LPP: variants seen among roughly 807,000 people sequenced by gnomAD.
LPP encodes the protein LIM domain containing preferred translocation partner in lipoma.
A neutral mutation model predicts 60.4 loss-of-function variants in LPP; 38 were observed. That is an observed-to-expected ratio of 0.63 (90% CI 0.49 to 0.83). LPP has a LOEUF of 0.83. Ranked by LOEUF, LPP falls within the 40% of genes least tolerant of loss-of-function variation. The probability of loss-of-function intolerance (pLI) is 0.00; values close to 1 mark genes in which losing one functional copy is unlikely to be tolerated. For synonymous variants in LPP, 328 were observed against 290.8 expected, an observed-to-expected ratio of 1.13 and a Z score of -1.30; for missense variants, 902 against 783.6, an observed-to-expected ratio of 1.15 and a Z score of -1.80.
At chr3:188,432,608 G>A (rs966699367) in intron 4 of LPP, among the ~76,000 whole-genome samples, 2 of 151,758 alleles carry the variant, frequency 1.3e-5, no homozygotes, top group East Asian at 1.9e-4. Context: ...TTATCCTTGT[G>A]TTGGGGAGGA....
intron 1 of LPP, among the ~76,000 whole-genome samples, chr3:188,199,619 A>G (rs1730489749): frequency 6.6e-6 from 1 of 152,180 alleles, no homozygotes; most frequent in Non-Finnish European, 1.5e-5. Context: ...TATATGAATT[A>G]GCGTTTATAT....
intron 2 of LPP, among the ~76,000 whole-genome samples, chr3:188,267,618 CT>C (rs763422490): frequency 2.5e-4 from 38 of 152,158 alleles, no homozygotes; most frequent in Non-Finnish European, 5.3e-4. Flanking sequence ...ACTGGAGTTG[CT>C]TTAAGGCTCC....
chr3:188,394,728 A>G (rs1436100081), intron 3 of LPP, among the ~76,000 whole-genome samples: 1 of 152,208 alleles, frequency 6.6e-6, no homozygotes, highest in African/African-American at 2.4e-5. Flanking sequence ...CTTAAAAGGG[A>G]TAATGTCCAT....
At chr3:188,706,588 C>T (rs976289430) in intron 7 of LPP, among the ~76,000 whole-genome samples, 2 of 152,168 alleles carry the variant, frequency 1.3e-5, no homozygotes, top group African/African-American at 2.4e-5. Context: ...ACATTTAACG[C>T]TTTAGACATC....
intron 4 of LPP, among the ~76,000 whole-genome samples, chr3:188,462,542 CTTTATATATATATATATATATATATATA>C (rs56867153): frequency 4.7e-5 from 3 of 64,292 alleles, no homozygotes; most frequent in African/African-American, 1.8e-4. Context: ...TTTATATGAG[CTTTATATATATATATATATATATATATA>C]TATATATATA....
chr3:188,362,341 C>T (rs1265933426), intron 3 of LPP, among the ~76,000 whole-genome samples: 1 of 152,158 alleles, frequency 6.6e-6, no homozygotes, highest in African/African-American at 2.4e-5. Flanking sequence ...ATCCATCTGA[C>T]TATGCTTATT....
At chr3:188,694,441 GC>G (rs1247130648) in intron 7 of LPP, among the ~76,000 whole-genome samples, 3 of 152,180 alleles carry the variant, frequency 2.0e-5, no homozygotes, top group African/African-American at 7.2e-5. Flanking sequence ...GGTGGCTCAT[GC>G]CTGTAATCCC....
chr3:188,315,794 T>C (rs900534808), intron 2 of LPP, among the ~76,000 whole-genome samples: 1 of 152,240 alleles, frequency 6.6e-6, no homozygotes, highest in Non-Finnish European at 1.5e-5. Flanking sequence ...GCTGATTCAG[T>C]CCTGTAACTC....
At position 188,835,426 on chromosome 3, in the gene LPP, C is replaced by G. The variant is rs113836660; in HGVS notation, c.1411-30774C>G. Among the ~76,000 whole-genome samples, 760 of 148,594 alleles carry G rather than the reference C, an allele frequency of 5.1e-3. 1 individual carries two copies. The highest frequency in any genetic ancestry group is 9.2e-3 in the Non-Finnish European group (615 of 67,206). ...CGGATCACTTGACTACCCTGGCCAA[C>G]ATGGTGAAACCTCATCCTACTAAAA... On this transcript the variant is annotated intron_variant, in intron 9 of 11. Transcript: ENST00000617246.
chr3:188,287,594 G>A (rs1200482733), intron 2 of LPP, among the ~76,000 whole-genome samples: 1 of 152,062 alleles, frequency 6.6e-6, no homozygotes, highest in Non-Finnish European at 1.5e-5. Flanking sequence ...CCTTTTTCGG[G>A]GGACTGGCGG....
intron 7 of LPP, among the ~76,000 whole-genome samples, chr3:188,684,117 T>A (rs755558228): frequency 1.3e-5 from 2 of 152,258 alleles, no homozygotes; most frequent in African/African-American, 2.4e-5. Flanking sequence ...ATAACCATTC[T>A]TACTGCACTG....
At chr3:188,682,051 CG>C (rs1459386493) in intron 7 of LPP, among the ~76,000 whole-genome samples, 16 of 152,130 alleles carry the variant, frequency 1.1e-4, no homozygotes, top group African/African-American at 3.9e-4. Flanking sequence ...ACCATAATCC[CG>C]TGAAGTGAAT....
intron 1 of LPP, among the ~76,000 whole-genome samples, chr3:188,162,740 G>A (rs780429149): frequency 5.3e-5 from 8 of 152,164 alleles, no homozygotes; most frequent in Non-Finnish European, 8.8e-5. Flanking sequence ...CTGTGATGGC[G>A]CTTTGTCAGT....
chr3:188,805,311 T>C (rs1748760221), intron 9 of LPP, among the ~76,000 whole-genome samples: 1 of 152,004 alleles, frequency 6.6e-6, no homozygotes, highest in South Asian at 2.1e-4. Context: ...AGTGAAGCCA[T>C]CTGGACCTGG....
intron 6 of LPP, among the ~76,000 whole-genome samples, chr3:188,557,343 A>G (rs1302464106): frequency 1.3e-5 from 2 of 152,106 alleles, no homozygotes; most frequent in Non-Finnish European, 2.9e-5. Context: ...GGTTTTGCAA[A>G]TCTAAATCAA....
chr3:188,848,964 CAA>C (rs58073326), intron 9 of LPP, among the ~76,000 whole-genome samples: 12 of 119,506 alleles, frequency 1.0e-4, no homozygotes, highest in Non-Finnish European at 1.4e-4. Context: ...GACTCTGTCT[CAA>C]AAAAAAAAAA....
chr3:188,515,879 A>G (rs985421397), intron 5 of LPP, among the ~76,000 whole-genome samples: 1 of 151,378 alleles, frequency 6.6e-6, no homozygotes, highest in Non-Finnish European at 1.5e-5. Context: ...ATCAAATAAC[A>G]TAGTGAATTT....
chr3:188,565,617 A>C (rs1435822904), intron 6 of LPP, among the ~76,000 whole-genome samples: 2 of 151,998 alleles, frequency 1.3e-5, no homozygotes, highest in Admixed American at 1.3e-4. Context: ...ATTCAAAGCT[A>C]ACATTTTTGG....
intron 4 of LPP, among the ~76,000 whole-genome samples, chr3:188,424,285 G>A (rs542964980): frequency 6.6e-6 from 1 of 152,210 alleles, no homozygotes; most frequent in East Asian, 1.9e-4. Context: ...TGTTATTTCT[G>A]AGGCCTCTGT....
Sources: gnomAD v4.1 joint callset for allele counts (sites outside exome capture counted in the v4.1 genomes callset) on GRCh38, gnomAD v4.1.1 for gene constraint, MANE v1.5 for transcripts, NCBI Gene and HGNC (gene_info 2026-07-23, HGNC 2026-07-21) for gene names.